Variants in ECE1 observed in about 807,000 individuals in gnomAD.
The protein encoded by ECE1 is endothelin converting enzyme 1, also known as endothelin-converting enzyme 1.
ECE1 carries 35 observed loss-of-function variants against 98.6 expected under a neutral mutation model. The observed-to-expected ratio is 0.35, with a 90% CI of 0.27 to 0.47. The LOEUF (loss-of-function observed/expected upper bound fraction) is 0.47. Ranked by LOEUF, ECE1 falls within the 20% of genes least tolerant of loss-of-function variation. The pLI, the probability that ECE1 is intolerant of heterozygous loss-of-function variation, is 1.00. For synonymous variants in ECE1, 394 were observed against 407.1 expected (o/e 0.97, Z 0.39); for missense variants, 814 against 1,025.3 (o/e 0.79, Z 2.81).
chr1:21,272,535 AC>A (rs2098241453), intron 4 of ECE1, among the ~76,000 whole-genome samples, 163 bp downstream of exon 4: 1 of 152,082 alleles, frequency 6.6e-6, no homozygotes, highest in South Asian at 2.1e-4. Flanking sequence ...CAAGTGATCC[AC>A]CCACCTTGAC....
intron 3 of ECE1, 80 bp from the exon 4 acceptor site, chr1:21,272,991 C>G (rs904244485): frequency 8.0e-6 from 12 of 1,508,090 alleles, no homozygotes; most frequent in Non-Finnish European, 1.1e-5. Flanking sequence ...GCTTGGGGCC[C>G]AGGGGCCACA....
At position 21,251,072 on chromosome 1, in the gene ECE1, A is replaced by G. The variant is rs560739675; in HGVS notation, c.1021-3709T>C. Among the ~76,000 whole-genome samples, 6 of 152,210 alleles carry G rather than the reference A, an allele frequency of 3.9e-5. No homozygotes were observed. The South Asian group carries it at 1.2e-3, about 32-fold the overall frequency. On this transcript the variant is annotated intron_variant, in intron 8 of 18. Transcript: ENST00000374893. The stretch of plus-strand genomic sequence containing the variant: ...TGACTTTCCTGAGGTCACATAGTTA[A>G]CTAGCCACTGTGGAGGTCTAAAACC...
Position 21,286,228 on chromosome 1 carries a change from G to A in ECE1, c.138+3842C>T, listed in dbSNP as rs1015105955. 2.0e-5 allele frequency among the ~76,000 whole-genome samples: 3 copies of A among 152,228 alleles called. No homozygotes were observed. The South Asian group carries it at 6.2e-4, about 31-fold the overall frequency. On this transcript the variant is annotated intron_variant, in intron 2 of 18. Coordinates refer to ENST00000374893, the MANE Select transcript of ECE1 (RefSeq NM_001397.3). Reference sequence around the variant, plus strand: ...ATCCCTTCCTGCCGCTGAAAATGGTGTATGTTCAGGTGTGGGAAGATCAGG... The same window carrying A: ...ATCCCTTCCTGCCGCTGAAAATGGTATATGTTCAGGTGTGGGAAGATCAGG...
chr1:21,273,742 C>G (rs2098243270), intron 3 of ECE1, among the ~76,000 whole-genome samples: 1 of 152,214 alleles, frequency 6.6e-6, no homozygotes, highest in South Asian at 2.1e-4. Flanking sequence ...TTAATCACAG[C>G]TACTTGGGAG....
chr1:21,288,125 A>T (rs926270472), intron 2 of ECE1, among the ~76,000 whole-genome samples: 9 of 152,224 alleles, frequency 5.9e-5, no homozygotes, highest in African/African-American at 1.9e-4. Context: ...TACCCACAAA[A>T]ATGCCCCAAA....
At chr1:21,330,622 T>G (rs1305502260) in intron 1 of ECE1, among the ~76,000 whole-genome samples, 2 of 152,164 alleles carry the variant, frequency 1.3e-5, no homozygotes, top group Non-Finnish European at 2.9e-5. Flanking sequence ...GACACTGCCA[T>G]GCCTGGCACA....
chr1:21,316,276 G>A (rs1443863576), intron 1 of ECE1, among the ~76,000 whole-genome samples: 3 of 152,090 alleles, frequency 2.0e-5, no homozygotes, highest in African/African-American at 7.2e-5. Context: ...TTGTTTGTTT[G>A]TTTGTTTTTT....
intron 1 of ECE1, chr1:21,298,985 C>T (rs564395762): frequency 3.2e-4 from 138 of 436,304 alleles, no homozygotes; most frequent in Non-Finnish European, 5.3e-4. Context: ...CTCCTGTGCT[C>T]CTGTGTGATG....
intron 10 of ECE1, among the ~76,000 whole-genome samples, chr1:21,238,965 C>A: frequency 6.6e-6 from 1 of 151,952 alleles, no homozygotes; most frequent in Non-Finnish European, 1.5e-5. Context: ...CAGGTGCAGG[C>A]CACTATGCCT....
In ECE1 at chr1:21,236,790, G is replaced by C; in HGVS notation, c.1444C>G (p.Leu482Val). ...KKAFEESLST[L>V]KWMDEETRKS... ...CGGGTTTCCTCATCCATCCACTTCAGGGTGCTCAGGCTTTCCTCAAATGCC... is the reference window on the plus strand; with the variant it reads ...CGGGTTTCCTCATCCATCCACTTCACGGTGCTCAGGCTTTCCTCAAATGCC... The change falls in exon 12 of 19, where the codon CTG becomes GTG. Residue 482 changes from leucine to valine, a missense_variant. Leu to Val is a conservative substitution (Grantham distance 32, BLOSUM62 1). Transcript: ENST00000374893. 6.2e-7 allele frequency: 1 copy of C among 1,613,906 alleles called. No individual in the cohort carries two copies.
At position 21,290,009 on chromosome 1, in the gene ECE1, G is replaced by C. The variant is rs1169565277; in HGVS notation, c.138+61C>G. 8.1e-7 allele frequency: 1 copy of C among 1,242,190 alleles called. No homozygotes were observed. The highest frequency in any genetic ancestry group is 1.0e-6 in the Non-Finnish European group (1 of 983,782). The allele number at this position is 1,242,190 out of a possible 1,614,324, so 76.9% of individuals were successfully genotyped here. A position where few individuals can be genotyped will look rare whatever the true frequency, so the allele number is the denominator to read the frequency against. On this transcript the variant is annotated intron_variant, in intron 2 of 18. Transcript: ENST00000374893. The surrounding 1 kb of genome is among the most constrained non-coding windows in gnomAD (Gnocchi z 7.3). The stretch of plus-strand genomic sequence containing the variant: ...AGGTAGGGGCGGGGGGCGCGGCAGC[G>C]GCAGCGCGCATGCCCGGGCCCGGGG...
rs534262999 is a variant in ECE1, at chr1:21,315,676, C to T, written c.4-25520G>A. 2.7e-3 allele frequency among the ~76,000 whole-genome samples: 407 copies of T among 152,006 alleles called. 1 individual carries two copies. Among genetic ancestry groups the T allele is most frequent in the Non-Finnish European group, 4.5e-3 (305 of 67,990 alleles). ...AGGTGTGGTAGCGCATGCCTGTAATCCCAGCTACTTGCGAGGCTGAGGTGT... is the reference window on the plus strand; with the variant it reads ...AGGTGTGGTAGCGCATGCCTGTAATTCCAGCTACTTGCGAGGCTGAGGTGT... On this transcript the variant is annotated intron_variant, in intron 1 of 18. Transcript: ENST00000415912.
Position 21,345,162 on chromosome 1 carries a change from C to G in ECE1, c.3+214G>C, listed in dbSNP as rs558561284. 21 of 530,824 alleles carry G rather than the reference C, an allele frequency of 4.0e-5. No individual in the cohort carries two copies. In the East Asian group the frequency reaches 1.4e-3, roughly 34 times the overall value. 32.9% of individuals were successfully genotyped at this position (530,824 alleles called of 1,614,324 possible). On this transcript the variant is annotated intron_variant, in intron 1 of 18. Coordinates refer to the ECE1 transcript ENST00000415912. This position sits in a 1 kb window ranked among gnomAD's most constrained non-coding sequence, Gnocchi z 5.1. ...AGAACCAAGCTCGGCGCGGCCGCCCCCGACGGGACCAAGCGCAGCGCCGCC... is the reference window on the plus strand; with the variant it reads ...AGAACCAAGCTCGGCGCGGCCGCCCGCGACGGGACCAAGCGCAGCGCCGCC...
In ECE1 at chr1:21,298,478, G is replaced by A. The variant is rs74735960; in HGVS notation, c.4-8322C>T. 134 of 316,370 alleles carry A rather than the reference G, an allele frequency of 4.2e-4. No individual in the cohort carries two copies. The East Asian group carries it at 8.4e-3, about 20-fold the overall frequency. 19.6% of individuals were successfully genotyped at this position (316,370 alleles called of 1,614,324 possible). A position where few individuals can be genotyped will look rare whatever the true frequency, so the allele number is the denominator to read the frequency against. On this transcript the variant is annotated intron_variant, in intron 1 of 18. Transcript: ENST00000415912. ...TTGGCTTTCACATCTTTCCACGGAC[G>A]TGAATGGAGATGATCATGGTGCCGA...
At chr1:21,250,816 A>G (rs1222826044) in intron 8 of ECE1, among the ~76,000 whole-genome samples, 4 of 151,914 alleles carry the variant, frequency 2.6e-5, no homozygotes. Context: ...GACCATCCTG[A>G]CTAAGAGGGT....
At chr1:21,298,346 C>T (rs899408239) in intron 1 of ECE1, 65 of 201,702 alleles carry the variant, frequency 3.2e-4, no homozygotes, top group African/African-American at 1.2e-3. Context: ...GACCCTTCCT[C>T]GGTGCTCCGC....
At chr1:21,289,768 C>T (rs1047156708) in intron 2 of ECE1, among the ~76,000 whole-genome samples, 12 of 152,104 alleles carry the variant, frequency 7.9e-5, no homozygotes, top group African/African-American at 2.6e-4. Flanking sequence ...GGAAAGGGAA[C>T]TGGACCAGTT....
At chr1:21,298,832 G>C (rs752286483) in intron 1 of ECE1, 5 of 456,100 alleles carry the variant, frequency 1.1e-5, no homozygotes, top group Admixed American at 2.4e-5. Context: ...CCATCCTTAC[G>C]ACTTCAGGTG....
intron 17 of ECE1, among the ~76,000 whole-genome samples, chr1:21,224,796 T>G (rs957887332): frequency 6.6e-6 from 1 of 152,222 alleles, no homozygotes; most frequent in Non-Finnish European, 1.5e-5. Flanking sequence ...TAGTAGCTAA[T>G]CAGAGCCAAG....
Sources: gnomAD v4.1 joint callset for allele counts (sites outside exome capture counted in the v4.1 genomes callset) on GRCh38, gnomAD v4.1.1 for gene constraint, Gnocchi (gnomAD v3.1) non-coding constraint, MANE v1.5 for transcripts, NCBI Gene and HGNC (gene_info 2026-07-23, HGNC 2026-07-21) for gene names.